Variants in THRB observed in about 807,000 individuals in gnomAD.
The protein encoded by THRB is nuclear receptor subfamily 1 group A member 2.
Under a neutral mutation model 47.8 loss-of-function variants are expected in THRB, and 12 were observed. The observed-to-expected ratio is 0.25, with a 90% CI of 0.16 to 0.41. THRB has a LOEUF of 0.41. Among genes scored for constraint, THRB ranks in the 10% least tolerant of loss-of-function variants. The pLI is 1.00. For missense variants in THRB, 348 were observed against 589.2 expected, an observed-to-expected ratio of 0.59 and a Z score of 4.24; for synonymous variants, 218 against 212.2, an observed-to-expected ratio of 1.03 and a Z score of -0.24.
intron 4 of THRB, among the ~76,000 whole-genome samples, chr3:24,205,463 C>T (rs1419550321): frequency 6.6e-6 from 1 of 152,186 alleles, no homozygotes; most frequent in African/African-American, 2.4e-5. Flanking sequence ...GAGATTTTGT[C>T]ACCACCAGGC....
chr3:24,429,852 C>A (rs1002032635), intron 1 of THRB, among the ~76,000 whole-genome samples: 1 of 151,902 alleles, frequency 6.6e-6, no homozygotes, highest in Non-Finnish European at 1.5e-5. Flanking sequence ...AAGTACTGCA[C>A]TGAATATCCA....
intron 3 of THRB, among the ~76,000 whole-genome samples, chr3:24,294,073 A>C (rs776534057): frequency 6.6e-6 from 1 of 152,220 alleles, no homozygotes; most frequent in Non-Finnish European, 1.5e-5. Context: ...AACAGAGTGC[A>C]TAAGTGACAC....
chr3:24,211,515 T>C (rs1206454487), intron 4 of THRB, among the ~76,000 whole-genome samples: 1 of 152,176 alleles, frequency 6.6e-6, no homozygotes, highest in African/African-American at 2.4e-5. Flanking sequence ...CCTCAGGCTG[T>C]CTTCTCTCTG....
At chr3:24,213,809 G>C (rs1326230491) in intron 4 of THRB, among the ~76,000 whole-genome samples, 1 of 152,210 alleles carries the variant, frequency 6.6e-6, no homozygotes, top group Non-Finnish European at 1.5e-5. Flanking sequence ...AGGAAAACTG[G>C]ATGGCATTTG....
chr3:24,345,128 C>T (rs550222613), intron 1 of THRB, among the ~76,000 whole-genome samples: 2 of 152,262 alleles, frequency 1.3e-5, no homozygotes, highest in East Asian at 3.9e-4. Context: ...ATCTCTTCCG[C>T]TGGGTAATTT....
At chr3:24,288,334 T>C (rs1478523939) in intron 3 of THRB, among the ~76,000 whole-genome samples, 3 of 152,234 alleles carry the variant, frequency 2.0e-5, no homozygotes, top group Non-Finnish European at 4.4e-5. Context: ...TTCCACCGTC[T>C]ACATCTGAAC....
chr3:24,205,888 T>C (rs1456068145), intron 4 of THRB, among the ~76,000 whole-genome samples: 1 of 151,794 alleles, frequency 6.6e-6, no homozygotes, highest in Non-Finnish European at 1.5e-5. Flanking sequence ...CCAACAAAGA[T>C]CAAAAGAGAC....
chr3:24,207,154 C>G (rs1575873288), intron 4 of THRB, among the ~76,000 whole-genome samples: 1 of 152,268 alleles, frequency 6.6e-6, no homozygotes, highest in East Asian at 1.9e-4. Flanking sequence ...ATGAAGCCAG[C>G]ATCATCCTGA....
At chr3:24,147,402 A>G (rs890664970) in intron 6 of THRB, among the ~76,000 whole-genome samples, 10 of 152,216 alleles carry the variant, frequency 6.6e-5, no homozygotes, top group Non-Finnish European at 8.8e-5. Flanking sequence ...TAGCCTTTCA[A>G]ACAATAGGAC....
intron 4 of THRB, among the ~76,000 whole-genome samples, chr3:24,216,673 G>C (rs567423960): frequency 1.3e-5 from 2 of 152,186 alleles, no homozygotes; most frequent in South Asian, 2.1e-4. Flanking sequence ...GCTTCTCAAA[G>C]GCAAGAACTC....
intron 4 of THRB, among the ~76,000 whole-genome samples, chr3:24,212,773 TG>T (rs1228683279): frequency 6.6e-6 from 1 of 152,122 alleles, no homozygotes; most frequent in Non-Finnish European, 1.5e-5. Context: ...GGGAGAAAGC[TG>T]GGTGAAGGTA....
intron 5 of THRB, among the ~76,000 whole-genome samples, chr3:24,182,960 A>T (rs140669595): frequency 3.0e-4 from 45 of 152,332 alleles, no homozygotes; most frequent in African/African-American, 9.1e-4. Context: ...TTATAACTGT[A>T]GAGAGCTCTG....
At chr3:24,374,009 AATC>A (rs71731264) in intron 1 of THRB, among the ~76,000 whole-genome samples, 3,428 of 152,132 alleles carry the variant, frequency 0.023, 116 homozygotes, top group African/African-American at 0.077. Flanking sequence ...AGTCTCTGTG[AATC>A]TGGTGTGATT....
rs141462135 is a variant in THRB, at chr3:24,401,360, T to C, written c.-260-63989A>G. ...ATGTTTTTAAAGACCTTGCTTTCAC[T>C]GAAAATGTAATATATCCATTTAAAG... On this transcript the variant is annotated intron_variant, in intron 1 of 10. Transcript: ENST00000646209. 9.5e-3 allele frequency among the ~76,000 whole-genome samples: 1,445 copies of C among 152,200 alleles called. 20 individuals carry two copies. The highest frequency in any genetic ancestry group is 0.033 in the African/African-American group (1,355 of 41,560).
intron 4 of THRB, among the ~76,000 whole-genome samples, chr3:24,217,555 C>CA (rs67221503): frequency 0.26 from 33,267 of 126,386 alleles, 4,088 homozygotes; most frequent in East Asian, 0.43. Context: ...AGGATCTTGG[C>CA]AAAAAAAAAA....
intron 1 of THRB, among the ~76,000 whole-genome samples, chr3:24,447,546 C>G (rs1226772045): frequency 6.6e-6 from 1 of 152,062 alleles, no homozygotes; most frequent in Admixed American, 6.5e-5. Context: ...TTCATGATGA[C>G]ACAGGGATAT....
At chr3:24,255,026 G>A (rs751310226) in intron 3 of THRB, among the ~76,000 whole-genome samples, 2 of 152,190 alleles carry the variant, frequency 1.3e-5, no homozygotes, top group African/African-American at 2.4e-5. Context: ...CATAGAAATA[G>A]AGTGTCCTTG....
chr3:24,393,933 T>C lies in THRB; in HGVS notation c.-260-56562A>G, dbSNP rs200109189. 4.6e-5 allele frequency among the ~76,000 whole-genome samples: 7 copies of C among 152,258 alleles called. No individual in the cohort carries two copies. The East Asian group carries it at 1.4e-3, about 29-fold the overall frequency. ...AAACTGGGGGTCCACCATATCTCCTTTGGTATTGAAAGGGAGGGAGGAATA... is the reference window on the plus strand; with the variant it reads ...AAACTGGGGGTCCACCATATCTCCTCTGGTATTGAAAGGGAGGGAGGAATA... On this transcript the variant is annotated intron_variant, in intron 1 of 10. Transcript: ENST00000646209.
intron 1 of THRB, among the ~76,000 whole-genome samples, chr3:24,410,250 T>G (rs1430405242): frequency 6.6e-6 from 1 of 151,814 alleles, no homozygotes; most frequent in Non-Finnish European, 1.5e-5. Flanking sequence ...TGATCAAAAT[T>G]CAAAGACCAG....
Sources: allele counts gnomAD v4.1 joint callset (sites outside exome capture counted in the v4.1 genomes callset), GRCh38; gene constraint gnomAD v4.1.1; transcripts MANE v1.5; gene names NCBI Gene and HGNC (gene_info 2026-07-23, HGNC 2026-07-21).